Variants in P2RY14 observed in about 807,000 individuals in gnomAD.
P2RY14 encodes purinergic receptor P2Y14, also known as P2Y purinoceptor 14.
P2RY14 carries 2 observed loss-of-function variants against 0.9 expected under a neutral mutation model. The observed-to-expected ratio is 2.16, with a 90% confidence interval of 0.88 to 6.79. The LOEUF is 6.79. Ranked by LOEUF, P2RY14 falls within the 30% of genes most tolerant of loss-of-function variation. The pLI is 0.05. For missense variants in P2RY14, 378 were observed against 400.1 expected, an observed-to-expected ratio of 0.94 and a Z score of 0.47; for synonymous variants, 158 against 147.2, an observed-to-expected ratio of 1.07 and a Z score of -0.53.
In P2RY14 at chr3:151,213,189, G is replaced by T; in HGVS notation, c.*111C>A. 1.3e-6 allele frequency: 1 copy of T among 779,422 alleles called. No individual in the cohort carries two copies. The highest frequency in any genetic ancestry group is 2.0e-6 in the Non-Finnish European group (1 of 489,514). The allele number at this position is 779,422 out of a possible 1,614,324, so 48.3% of individuals were successfully genotyped here. A position where few individuals can be genotyped will look rare whatever the true frequency, so the allele number is the denominator to read the frequency against. On this transcript the variant is annotated 3_prime_UTR_variant, in exon 3 of 3. Transcript: ENST00000309170. ...GAATTTTATTGAACTAAATTGGATG[G>T]CAGTGCTAGAGATGATATTTATGAT...
At chr3:151,266,667 A>C (rs976680028) in intron 1 of P2RY14, among the ~76,000 whole-genome samples, 1 of 152,212 alleles carries the variant, frequency 6.6e-6, no homozygotes, top group Non-Finnish European at 1.5e-5. Flanking sequence ...AGTGATATGA[A>C]CATATCAGTG....
chr3:151,219,588 G>T lies in P2RY14; in HGVS notation c.-78C>A, dbSNP rs921357625. The T allele has an allele frequency of 3.3e-5, 5 of 152,030 alleles. No homozygotes were observed. Among genetic ancestry groups the T allele is most frequent in the Non-Finnish European group, 7.4e-5 (5 of 68,014 alleles). The allele number at this position is 152,030 out of a possible 1,614,324, so 9.4% of individuals were successfully genotyped here. A position where few individuals can be genotyped will look rare whatever the true frequency, so the allele number is the denominator to read the frequency against. On this transcript the variant is annotated 5_prime_UTR_variant, in exon 2 of 3. Transcript: ENST00000309170. ...GGTCTCTTTTCAGTGAAGGTGTTTT[G>T]CCCAGTGAGCGTTTGTCGTCTTGAA... is the stretch of plus-strand genomic sequence containing the variant.
chr3:151,233,066 C>G (rs1336000519), intron 1 of P2RY14, among the ~76,000 whole-genome samples: 1 of 152,112 alleles, frequency 6.6e-6, no homozygotes, highest in Non-Finnish European at 1.5e-5. Context: ...TTGTCCCTGC[C>G]CTCTTGGAGC....
intron 1 of P2RY14, among the ~76,000 whole-genome samples, chr3:151,228,667 G>A (rs933830478): frequency 2.0e-5 from 3 of 152,150 alleles, no homozygotes; most frequent in Non-Finnish European, 2.9e-5. Context: ...CAGAGTGTAT[G>A]TATGAAGTCC....
At chr3:151,257,658 G>A (rs920983321) in intron 1 of P2RY14, among the ~76,000 whole-genome samples, 1 of 152,244 alleles carries the variant, frequency 6.6e-6, no homozygotes, top group Admixed American at 6.5e-5. Context: ...GGAGCTTCAA[G>A]ATTTGCATTG....
At chr3:151,217,075 T>C (rs1728384896) in intron 2 of P2RY14, among the ~76,000 whole-genome samples, 2 of 152,194 alleles carry the variant, frequency 1.3e-5, no homozygotes, top group Non-Finnish European at 2.9e-5. Flanking sequence ...ACTGTAGCTG[T>C]TATTTTGGAA....
chr3:151,243,150 T>A (rs1206096498), intron 1 of P2RY14, among the ~76,000 whole-genome samples: 1 of 152,052 alleles, frequency 6.6e-6, no homozygotes, highest in Non-Finnish European at 1.5e-5. Context: ...TTGGTGTACC[T>A]GAAAGTGATG....
chr3:151,244,859 G>C (rs1735027203), intron 1 of P2RY14, among the ~76,000 whole-genome samples: 1 of 152,052 alleles, frequency 6.6e-6, no homozygotes, highest in Admixed American at 6.5e-5. Context: ...CAACAAAATT[G>C]ATAGACCGCT....
chr3:151,215,566 G>C (rs930829845), intron 2 of P2RY14, among the ~76,000 whole-genome samples: 1 of 152,134 alleles, frequency 6.6e-6, no homozygotes, highest in African/African-American at 2.4e-5. Context: ...GTGTTATCCA[G>C]AACTTCTATT....
At position 151,212,932 on chromosome 3, in the gene P2RY14, A is replaced by G. The variant is rs1727415235; in HGVS notation, c.*368T>C. On this transcript the variant is annotated 3_prime_UTR_variant, in exon 3 of 3. Coordinates refer to ENST00000309170, the MANE Select transcript of P2RY14 (RefSeq NM_014879.4). ...ACTAGATTCTGGTATTTAGAGAAAG[A>G]AGATGCCTGAGTGAGTTGTCTTTGA... 2 of 154,714 alleles carry G rather than the reference A, an allele frequency of 1.3e-5. No individual in the cohort carries two copies. 9.6% of individuals were successfully genotyped at this position (154,714 alleles called of 1,614,324 possible).
In P2RY14 at chr3:151,238,129, A is replaced by AT. The variant is rs1733304405; in HGVS notation, c.-132-18488dup. On this transcript the variant is annotated intron_variant, in intron 1 of 2. Transcript: ENST00000309170. ...TGTCCTAAAGTTTAGAACAGTGCAC[A>AT]TTTTTTCTTTTTTCTTTTTCTTTTT... is the stretch of plus-strand genomic sequence containing the variant. Among the ~76,000 whole-genome samples, 3 of 112,674 alleles carry AT rather than the reference A, an allele frequency of 2.7e-5. No individual in the cohort carries two copies. The Admixed American group carries it at 2.8e-4, about 11-fold the overall frequency. The allele number at this position is 112,674 out of a possible 152,430, so 73.9% of individuals were successfully genotyped here. A position where few individuals can be genotyped will look rare whatever the true frequency, so the allele number is the denominator to read the frequency against.
At chr3:151,271,830 C>G (rs1741006239) in intron 1 of P2RY14, among the ~76,000 whole-genome samples, 1 of 152,094 alleles carries the variant, frequency 6.6e-6, no homozygotes, top group African/African-American at 2.4e-5. Context: ...GAACTAAGCT[C>G]TAATGAGAGA....
rs1487225667 is a variant in P2RY14 at position 151,214,044 on chromosome 3, C to A, written c.273G>T (p.Val91=). 3 of 1,614,174 alleles carry A rather than the reference C, an allele frequency of 1.9e-6. No individual in the cohort carries two copies. Among genetic ancestry groups the A allele is most frequent in the Non-Finnish European group, 2.5e-6 (3 of 1,180,024 alleles). ...GCACGGCAGAGACCCTGCACACAAA[C>A]ACGTTCAGCTGCCAGGGACCAAGGC... is the stretch of plus-strand genomic sequence containing the variant. ...DSGLGPWQLN[V]FVCRVSAVLF... The change falls in exon 3 of 3, where the codon GTG becomes GTT. Residue 91 remains valine (V), a synonymous_variant. Transcript: ENST00000309170.
In P2RY14 at chr3:151,246,358, T is replaced by G. The variant is rs566615356; in HGVS notation, c.-132-26716A>C. On this transcript the variant is annotated intron_variant, in intron 1 of 2. Transcript: ENST00000309170. ...ACAAAGCTGGAGGCATCACGCTACC[T>G]GACTTCAAACTATACTACAAGGCTA... Among the ~76,000 whole-genome samples, 306 of 152,168 alleles carry G rather than the reference T, an allele frequency of 2.0e-3. 2 individuals are homozygous for G. The highest frequency in any genetic ancestry group is 4.9e-3 in the Admixed American group (75 of 15,290).
intron 2 of P2RY14, among the ~76,000 whole-genome samples, chr3:151,214,570 C>G (rs767100865): frequency 6.8e-6 from 1 of 146,428 alleles, no homozygotes; most frequent in Non-Finnish European, 1.5e-5. Flanking sequence ...TACCCACCAA[C>G]CCCCACTCCT....
intron 1 of P2RY14, among the ~76,000 whole-genome samples, chr3:151,245,688 C>T (rs1275222435): frequency 1.5e-4 from 18 of 118,656 alleles, no homozygotes; most frequent in African/African-American, 5.1e-4. Flanking sequence ...AAACTGGAAG[C>T]ATTCCCTTTG....
chr3:151,234,359 TTGTC>T (rs1007484596), intron 1 of P2RY14, among the ~76,000 whole-genome samples: 10 of 152,304 alleles, frequency 6.6e-5, no homozygotes, highest in Admixed American at 3.3e-4. Flanking sequence ...CTTGAATAAA[TTGTC>T]TGTCTAGGTA....
chr3:151,226,904 A>G (rs545823977), intron 1 of P2RY14, among the ~76,000 whole-genome samples: 3 of 152,344 alleles, frequency 2.0e-5, no homozygotes, highest in Non-Finnish European at 2.9e-5. Flanking sequence ...ACGTTAACCT[A>G]TAAATGGTGG....
chr3:151,243,106 T>C (rs1249421301), intron 1 of P2RY14, among the ~76,000 whole-genome samples: 3 of 151,228 alleles, frequency 2.0e-5, no homozygotes, highest in African/African-American at 7.3e-5. Flanking sequence ...CCAAGAAATA[T>C]GGGGCTGTGT....
Sources: allele counts gnomAD v4.1 joint callset (sites outside exome capture counted in the v4.1 genomes callset), GRCh38; gene constraint gnomAD v4.1.1; transcripts MANE v1.5; gene names NCBI Gene and HGNC (gene_info 2026-07-23, HGNC 2026-07-21).